SGCZ: variants seen among roughly 807,000 people sequenced by gnomAD.
The protein encoded by SGCZ is zeta-sarcoglycan.
Under a neutral mutation model 41.3 loss-of-function variants are expected in SGCZ, and 40 were observed. The ratio of observed to expected loss-of-function variants is 0.97; its 90% confidence interval spans 0.75 to 1.26. The LOEUF (loss-of-function observed/expected upper bound fraction) is 1.26, where lower values mean the gene tolerates loss of function less well. SGCZ is among the 50% of genes most tolerant of loss of function. The pLI is 0.00. For synonymous variants in SGCZ, 206 were observed against 137.5 expected, an observed-to-expected ratio of 1.50 and a Z score of -3.49; for missense variants, 552 against 369.8, an observed-to-expected ratio of 1.49 and a Z score of -4.04.
chr8:14,784,894 C>G (rs576579161), intron 1 of SGCZ, among the ~76,000 whole-genome samples: 2 of 25,690 alleles, frequency 7.8e-5, no homozygotes, highest in Non-Finnish European at 1.5e-4. Context: ...AAGAGTGAAA[C>G]TCTGCCTCAA....
chr8:14,233,770 ACCT>A (rs1806657285), intron 4 of SGCZ, among the ~76,000 whole-genome samples: 1 of 151,466 alleles, frequency 6.6e-6, no homozygotes, highest in African/African-American at 2.4e-5. Context: ...CACTTTTTTC[ACCT>A]ATAAAAGAAA....
At chr8:14,808,384 A>G (rs1472456763) in intron 1 of SGCZ, among the ~76,000 whole-genome samples, 3 of 152,152 alleles carry the variant, frequency 2.0e-5, no homozygotes, top group African/African-American at 7.2e-5. Context: ...CAAATTTACA[A>G]GAAAAAAAAC....
chr8:15,131,727 T>C (rs1186139465), intron 1 of SGCZ, among the ~76,000 whole-genome samples: 1 of 151,604 alleles, frequency 6.6e-6, no homozygotes, highest in Admixed American at 6.6e-5. Flanking sequence ...ACCAGCTCTG[T>C]TCATCATTTA....
At chr8:15,131,741 C>T (rs1253282012) in intron 1 of SGCZ, among the ~76,000 whole-genome samples, 2 of 140,520 alleles carry the variant, frequency 1.4e-5, no homozygotes, top group Non-Finnish European at 3.1e-5. Context: ...TCATTTATGC[C>T]ACCAAAGGCC....
At chr8:14,157,356 G>A (rs921709201) in intron 5 of SGCZ, among the ~76,000 whole-genome samples, 1 of 131,856 alleles carries the variant, frequency 7.6e-6, no homozygotes, top group Non-Finnish European at 1.6e-5. Flanking sequence ...GTGTGTGTGT[G>A]TGTGTGTGAG....
chr8:15,115,943 C>G lies in SGCZ; in HGVS notation c.39+121642G>C, dbSNP rs541087015. Among the ~76,000 whole-genome samples the G allele has an allele frequency of 1.1e-3, 165 of 152,322 alleles. 1 individual carries two copies. In the South Asian group the frequency reaches 0.018, roughly 16 times the overall value. On this transcript the variant is annotated intron_variant, in intron 1 of 7. Transcript: ENST00000382080. The stretch of plus-strand genomic sequence containing the variant: ...GAAGCCTCTATAATAGTTCAGCAAA[C>G]TTTAATAGGCCACATAGAAAGTATT...
At chr8:14,303,343 G>A (rs1298307239) in intron 3 of SGCZ, among the ~76,000 whole-genome samples, 1 of 151,912 alleles carries the variant, frequency 6.6e-6, no homozygotes, top group Non-Finnish European at 1.5e-5. Context: ...TTACTTTGAA[G>A]ATAAAATTTA....
At chr8:14,205,383 T>G (rs1367011246) in intron 4 of SGCZ, among the ~76,000 whole-genome samples, 1 of 152,184 alleles carries the variant, frequency 6.6e-6, no homozygotes, top group African/African-American at 2.4e-5. Flanking sequence ...GCTAAAATGT[T>G]TTTCAGAAAG....
At chr8:14,472,333 C>G (rs151105879) in intron 2 of SGCZ, among the ~76,000 whole-genome samples, 1 of 152,042 alleles carries the variant, frequency 6.6e-6, no homozygotes, top group Non-Finnish European at 1.5e-5. Context: ...ATGGTTTTAA[C>G]TAGATTGAAA....
chr8:14,629,764 G>A (rs947366254), intron 1 of SGCZ, among the ~76,000 whole-genome samples: 3 of 152,002 alleles, frequency 2.0e-5, no homozygotes, highest in African/African-American at 4.8e-5. Context: ...GTTTATGAGC[G>A]TAACAATCTG....
At chr8:15,196,113 G>A (rs1800722957) in intron 1 of SGCZ, among the ~76,000 whole-genome samples, 1 of 134,380 alleles carries the variant, frequency 7.4e-6, no homozygotes, top group African/African-American at 2.8e-5. Flanking sequence ...TAGCCAGGAT[G>A]GTCTCGATCT....
intron 2 of SGCZ, among the ~76,000 whole-genome samples, chr8:14,400,133 G>A (rs936292473): frequency 6.6e-6 from 1 of 152,022 alleles, no homozygotes; most frequent in African/African-American, 2.4e-5. Flanking sequence ...TCTTTTGTGA[G>A]TAGCTTCTTT....
At chr8:14,341,530 C>G (rs1045890775) in intron 2 of SGCZ, among the ~76,000 whole-genome samples, 1 of 152,098 alleles carries the variant, frequency 6.6e-6, no homozygotes, top group Non-Finnish European at 1.5e-5. Flanking sequence ...TGACAAGACG[C>G]TGAAAATCAG....
chr8:14,148,722 C>A (rs982724798), intron 5 of SGCZ, among the ~76,000 whole-genome samples: 1 of 151,976 alleles, frequency 6.6e-6, no homozygotes. Flanking sequence ...CAAAACCAGA[C>A]AAAGACACAT....
chr8:14,375,725 C>G (rs1563288642), intron 2 of SGCZ, among the ~76,000 whole-genome samples: 1 of 151,834 alleles, frequency 6.6e-6, no homozygotes, highest in African/African-American at 2.4e-5. Flanking sequence ...AAGCACTGAG[C>G]AAAATAAAGT....
At chr8:14,600,041 C>T (rs1563143495) in intron 1 of SGCZ, among the ~76,000 whole-genome samples, 1 of 152,064 alleles carries the variant, frequency 6.6e-6, no homozygotes, top group Non-Finnish European at 1.5e-5. Context: ...AGCAAGGAAG[C>T]AAAGCTATTC....
At chr8:15,117,460 A>T (rs772165685) in intron 1 of SGCZ, among the ~76,000 whole-genome samples, 5 of 152,202 alleles carry the variant, frequency 3.3e-5, no homozygotes, top group Non-Finnish European at 5.9e-5. Context: ...TTAATTTACA[A>T]ATCCATTGTG....
intron 1 of SGCZ, among the ~76,000 whole-genome samples, chr8:14,944,569 T>G (rs1419026718): frequency 1.3e-5 from 2 of 152,222 alleles, no homozygotes; most frequent in African/African-American, 4.8e-5. Context: ...TCCAACAGAA[T>G]GCAGTTTACT....
chr8:15,189,613 C>T (rs1037149691), intron 1 of SGCZ, among the ~76,000 whole-genome samples: 4 of 151,652 alleles, frequency 2.6e-5, no homozygotes, highest in African/African-American at 4.8e-5. Flanking sequence ...CAGGCTAGAG[C>T]GCAATGGCAC....
Sources: allele counts gnomAD v4.1 joint callset (sites outside exome capture counted in the v4.1 genomes callset), GRCh38; gene constraint gnomAD v4.1.1; transcripts MANE v1.5; gene names NCBI Gene and HGNC (gene_info 2026-07-23, HGNC 2026-07-21).